The following MSR1 variants were observed in gnomAD, a reference collection of about 807,000 sequenced individuals.
The protein encoded by MSR1 is macrophage scavenger receptor types I and II.
Under a neutral mutation model 47.2 loss-of-function variants are expected in MSR1, and 53 were observed. That is an observed-to-expected ratio of 1.12 (90% CI 0.90 to 1.41). MSR1 has a LOEUF of 1.41. MSR1 is among the 40% of genes most tolerant of loss of function. The pLI, the probability that MSR1 is intolerant of heterozygous loss-of-function variation, is 0.00. For synonymous variants in MSR1, 239 were observed against 185.6 expected (o/e 1.29, Z -2.34); for missense variants, 786 against 546.9 (o/e 1.44, Z -4.36).
chr8:16,132,785 C>T (rs142750545), intron 8 of MSR1, among the ~76,000 whole-genome samples: 10 of 152,200 alleles, frequency 6.6e-5, no homozygotes, highest in Non-Finnish European at 1.3e-4. Context: ...CCTGATTGCT[C>T]TGGCCAGGAC....
rs1309884907 is a variant in MSR1 at position 16,155,066 on chromosome 8, A to G, written c.896T>C (p.Ile299Thr). 1.9e-6 allele frequency: 3 copies of G among 1,610,634 alleles called. No individual in the cohort carries two copies. Among genetic ancestry groups the G allele is most frequent in the East Asian group, 2.2e-5 (1 of 44,814 alleles). The part of the protein sequence containing the change: ...ESGPRGFPGP[I>T]GPPGLKGDRG... Reference sequence around the variant, plus strand: ...TTAAATAGCTAAAATTACCATACCTATTGGACCTGGAAATCCTCGTGGACC... The same window carrying G: ...TTAAATAGCTAAAATTACCATACCTGTTGGACCTGGAAATCCTCGTGGACC... The change falls in exon 6 of 10, where the codon ATA becomes ACA. Residue 299 changes from isoleucine (I) to threonine (T), a missense_variant and splice_region_variant. Transcript: ENST00000262101.
intron 8 of MSR1, chr8:16,139,293 A>G (rs750926217): frequency 2.0e-6 from 2 of 984,306 alleles, no homozygotes; most frequent in South Asian, 4.7e-5. Context: ...ATTCCAGTTC[A>G]GAGAGATCAC....
intron 1 of MSR1, among the ~76,000 whole-genome samples, chr8:16,184,279 A>G (rs1323934206): frequency 6.6e-6 from 1 of 152,038 alleles, no homozygotes; most frequent in Non-Finnish European, 1.5e-5. Flanking sequence ...CTCTCCCATT[A>G]AAGGAGAGGG....
intron 8 of MSR1, among the ~76,000 whole-genome samples, chr8:16,136,430 T>C (rs1800391320): frequency 6.6e-6 from 1 of 152,128 alleles, no homozygotes; most frequent in East Asian, 1.9e-4. Context: ...TAGACTCCAG[T>C]GTAGTGTAAA....
At chr8:16,138,010 A>G (rs1410098955) in intron 8 of MSR1, among the ~76,000 whole-genome samples, 3 of 144,586 alleles carry the variant, frequency 2.1e-5, no homozygotes, top group African/African-American at 7.6e-5. Context: ...AGATAAAGGA[A>G]AAAAAAAAAA....
Position 16,110,145 on chromosome 8 carries a change from C to T in MSR1, c.1296G>A (p.Arg432=). 6.2e-7 allele frequency: 1 copy of T among 1,613,676 alleles called. No individual in the cohort carries two copies. Among genetic ancestry groups the T allele is most frequent in the Non-Finnish European group, 8.5e-7 (1 of 1,179,706 alleles). Residue 432 remains arginine, a synonymous_variant, in exon 10 of 10, where the codon CGG becomes CGA. Transcript: ENST00000262101. ...RESSIEECKI[R]QWGTRACSHS... ...GTGAACAGGCTCTTGTCCCCCATTG[C>T]CGAATTTTACATTCTTCAATAGATG...
At chr8:16,171,474 A>T (rs1221696420) in intron 3 of MSR1, among the ~76,000 whole-genome samples, 1 of 152,132 alleles carries the variant, frequency 6.6e-6, no homozygotes, top group Non-Finnish European at 1.5e-5. Flanking sequence ...TTAACGTATC[A>T]ATACCTTGGA....
chr8:16,145,194 C>T (rs531086400), intron 7 of MSR1, among the ~76,000 whole-genome samples: 1 of 152,108 alleles, frequency 6.6e-6, no homozygotes, highest in East Asian at 1.9e-4. Context: ...TACTTTATAT[C>T]ATTAAATTCA....
At chr8:16,132,389 T>A (rs1278703927) in intron 8 of MSR1, among the ~76,000 whole-genome samples, 1 of 152,094 alleles carries the variant, frequency 6.6e-6, no homozygotes, top group Non-Finnish European at 1.5e-5. Context: ...AGCTTTTGGG[T>A]CAAGACTATG....
At chr8:16,126,352 TG>T (rs1343483441) in intron 8 of MSR1, among the ~76,000 whole-genome samples, 1 of 152,172 alleles carries the variant, frequency 6.6e-6, no homozygotes, top group Non-Finnish European at 1.5e-5. Context: ...ATTATCCTAT[TG>T]TTTACTCATA....
intron 8 of MSR1, among the ~76,000 whole-genome samples, chr8:16,128,923 A>G (rs1800191115): frequency 6.6e-6 from 1 of 152,180 alleles, no homozygotes; most frequent in South Asian, 2.1e-4. Context: ...TGTGATTGAT[A>G]AAGCACATGT....
At chr8:16,171,923 T>C (rs1391276199) in intron 3 of MSR1, among the ~76,000 whole-genome samples, 1 of 152,154 alleles carries the variant, frequency 6.6e-6, no homozygotes, top group Non-Finnish European at 1.5e-5. Context: ...TCCAAATAAT[T>C]AAATGAACTA....
At chr8:16,166,986 G>A (rs375815013) in intron 4 of MSR1, among the ~76,000 whole-genome samples, 1 of 151,580 alleles carries the variant, frequency 6.6e-6, no homozygotes, top group East Asian at 1.9e-4. Flanking sequence ...CACTGGCACT[G>A]ACCTAGTTTC....
At chr8:16,154,115 G>T (rs982876165) in intron 6 of MSR1, among the ~76,000 whole-genome samples, 9 of 151,628 alleles carry the variant, frequency 5.9e-5, no homozygotes, top group African/African-American at 2.2e-4. Flanking sequence ...TCAAGTTCAT[G>T]CTTCTCATTT....
chr8:16,114,246 A>G (rs1554460360), intron 9 of MSR1, among the ~76,000 whole-genome samples: 1 of 151,282 alleles, frequency 6.6e-6, no homozygotes, highest in Admixed American at 6.6e-5. Flanking sequence ...TTTTTTGAAA[A>G]TTTCACATAG....
chr8:16,124,780 TGTCACTCAGTA>T, intron 8 of MSR1, among the ~76,000 whole-genome samples: 1 of 152,262 alleles, frequency 6.6e-6, no homozygotes, highest in South Asian at 2.1e-4. Flanking sequence ...AGATGCAAGT[TGTCACTCAGTA>T]GTCACTTGAG....
intron 9 of MSR1, 139 bp from the exon 10 acceptor site, chr8:16,110,357 G>T: frequency 2.1e-6 from 2 of 930,888 alleles, no homozygotes; most frequent in Non-Finnish European, 3.4e-6. Context: ...GTGCTCTCTA[G>T]TAGGAATCAA....
intron 8 of MSR1, among the ~76,000 whole-genome samples, chr8:16,121,861 T>C (rs1800013301): frequency 6.6e-6 from 1 of 151,918 alleles, no homozygotes; most frequent in African/African-American, 2.4e-5. Flanking sequence ...TTTTCTCCAG[T>C]TTGAATTCAT....
chr8:16,126,048 TTTTC>T (rs1454988337), intron 8 of MSR1, among the ~76,000 whole-genome samples: 4 of 152,130 alleles, frequency 2.6e-5, no homozygotes, highest in East Asian at 1.9e-4. Flanking sequence ...ATATTATTTC[TTTTC>T]TTTATTTTTG....
Sources: gnomAD v4.1 joint callset for allele counts (sites outside exome capture counted in the v4.1 genomes callset) on GRCh38, gnomAD v4.1.1 for gene constraint, MANE v1.5 for transcripts, NCBI Gene and HGNC (gene_info 2026-07-23, HGNC 2026-07-21) for gene names.